Variants in EIF4G3 observed in about 807,000 individuals in gnomAD.
EIF4G3 encodes the protein eukaryotic translation initiation factor 4 gamma 3, also known as eIF-4-gamma 3.
EIF4G3 carries 34 observed loss-of-function variants against 186.4 expected under a neutral mutation model. That is an observed-to-expected ratio of 0.18 (90% CI 0.14 to 0.24). The LOEUF is 0.24. Ranked by LOEUF, EIF4G3 falls within the 10% of genes least tolerant of loss-of-function variation. The pLI, the probability that EIF4G3 is intolerant of heterozygous loss-of-function variation, is 1.00. For missense variants in EIF4G3, 1,536 were observed against 1,948.5 expected, an observed-to-expected ratio of 0.79 and a Z score of 3.99; for synonymous variants, 673 against 679.5, an observed-to-expected ratio of 0.99 and a Z score of 0.15.
intron 2 of EIF4G3, among the ~76,000 whole-genome samples, chr1:21,096,389 TA>T (rs369240211): frequency 1.3e-5 from 2 of 151,776 alleles, no homozygotes; most frequent in African/African-American, 4.8e-5. Flanking sequence ...TCACAAGGAG[TA>T]GGGGGATGAT....
intron 14 of EIF4G3, among the ~76,000 whole-genome samples, chr1:20,906,243 T>C (rs1287662404): frequency 6.6e-6 from 1 of 152,188 alleles, no homozygotes; most frequent in African/African-American, 2.4e-5. Context: ...AATTTGCTAT[T>C]GTCTCACAGG....
intron 2 of EIF4G3, among the ~76,000 whole-genome samples, chr1:21,151,832 C>T (rs928995886): frequency 6.6e-6 from 1 of 152,028 alleles, no homozygotes; most frequent in African/African-American, 2.4e-5. Flanking sequence ...GTTACATTAC[C>T]TAGGGCCACA....
At chr1:20,849,216 T>C (rs1051226514) in intron 29 of EIF4G3, among the ~76,000 whole-genome samples, 199 bp downstream of exon 29, 5 of 152,126 alleles carry the variant, frequency 3.3e-5, no homozygotes, top group African/African-American at 1.2e-4. Flanking sequence ...CCACTCTATG[T>C]TGTAAATTAT....
At chr1:20,890,779 T>C (rs1379671772) in intron 18 of EIF4G3, among the ~76,000 whole-genome samples, 1 of 152,214 alleles carries the variant, frequency 6.6e-6, no homozygotes, top group Non-Finnish European at 1.5e-5. Context: ...TATATGTTGA[T>C]ATTTATGTCC....
intron 3 of EIF4G3, among the ~76,000 whole-genome samples, chr1:21,059,801 A>T (rs1022054041): frequency 7.2e-5 from 11 of 152,224 alleles, no homozygotes; most frequent in Non-Finnish European, 1.5e-5. Context: ...GTAACTATCC[A>T]ATAGAAACAA....
chr1:20,925,509 A>G (rs1452688344), intron 14 of EIF4G3, among the ~76,000 whole-genome samples: 2 of 152,210 alleles, frequency 1.3e-5, no homozygotes, highest in Admixed American at 6.5e-5. Flanking sequence ...ATTGAATGCT[A>G]TCACATAAAT....
intron 2 of EIF4G3, among the ~76,000 whole-genome samples, chr1:21,146,152 C>A (rs1558177004): frequency 6.6e-6 from 1 of 152,100 alleles, no homozygotes; most frequent in Non-Finnish European, 1.5e-5. Flanking sequence ...CCAGGAATCG[C>A]AGACCAGTCT....
At chr1:21,113,311 A>ATT (rs1187652075) in intron 2 of EIF4G3, among the ~76,000 whole-genome samples, 1 of 150,294 alleles carries the variant, frequency 6.7e-6, no homozygotes, top group Non-Finnish European at 1.5e-5. Flanking sequence ...AGGCTGAATG[A>ATT]TTTTTTTTTT....
chr1:21,125,212 G>C (rs1043938442), intron 2 of EIF4G3, among the ~76,000 whole-genome samples: 1 of 152,086 alleles, frequency 6.6e-6, no homozygotes, highest in Non-Finnish European at 1.5e-5. Flanking sequence ...CAGCATATGA[G>C]ATATAAAGAA....
chr1:21,016,714 CTGGGAGCCCGAGATAGG>C (rs2089195396), intron 4 of EIF4G3, among the ~76,000 whole-genome samples: 1 of 151,638 alleles, frequency 6.6e-6, no homozygotes, highest in Non-Finnish European at 1.5e-5. Flanking sequence ...TCCCAGCACT[CTGGGAGCCCGAGATAGG>C]TGGTCAAGAG....
rs375496265 is a variant in EIF4G3 at position 21,060,442 on chromosome 1, C to T, written c.-195-9448G>A. On this transcript the variant is annotated intron_variant, in intron 3 of 36. Transcript: ENST00000602326. ...AAACTTAACAGCTTAAAACAACACA[C>T]ATTTAAGTCCTTGTTGGCATGGTAA... Among the ~76,000 whole-genome samples the T allele has an allele frequency of 7.9e-5, 12 of 152,318 alleles. No individual in the cohort carries two copies. The East Asian group carries it at 2.1e-3, about 27-fold the overall frequency.
intron 3 of EIF4G3, among the ~76,000 whole-genome samples, chr1:21,060,782 G>T: frequency 8.5e-6 from 1 of 117,372 alleles, no homozygotes. Context: ...TGTCTCTTAA[G>T]AAAAAAAAAA....
intron 4 of EIF4G3, among the ~76,000 whole-genome samples, chr1:21,018,966 C>T (rs756213900): frequency 2.6e-5 from 4 of 151,688 alleles, no homozygotes; most frequent in Non-Finnish European, 4.4e-5. Context: ...TTAGGTATTC[C>T]TTTATAGCAA....
At chr1:21,113,792 G>A (rs1166921028) in intron 2 of EIF4G3, among the ~76,000 whole-genome samples, 2 of 152,250 alleles carry the variant, frequency 1.3e-5, no homozygotes, top group African/African-American at 2.4e-5. Context: ...GAGGCAGGAG[G>A]ATCCCTTGAG....
In EIF4G3 at chr1:21,176,336, G is replaced by T; in HGVS notation, c.-433C>A. 3.9e-6 allele frequency: 1 copy of T among 255,622 alleles called. No individual in the cohort carries two copies. Among genetic ancestry groups the T allele is most frequent in the Non-Finnish European group, 7.1e-6 (1 of 140,234 alleles). The allele number at this position is 255,622 out of a possible 1,614,324, so 15.8% of individuals were successfully genotyped here. ...CCGCCGCCGCTCCGGTGCCGGGTCC[G>T]GTTCCTGCTGCAGTCGCTGTGCCTG... On this transcript the variant is annotated 5_prime_UTR_variant, in exon 2 of 37. Coordinates refer to ENST00000602326, the MANE Select transcript of EIF4G3 (RefSeq NM_001391906.1).
At chr1:21,048,334 G>A (rs192818257) in intron 4 of EIF4G3, among the ~76,000 whole-genome samples, 30 of 152,198 alleles carry the variant, frequency 2.0e-4, no homozygotes, top group African/African-American at 5.8e-4. Context: ...AAAATTCACT[G>A]TTTGCCTGTA....
At chr1:21,040,542 G>A (rs56269358) in intron 4 of EIF4G3, among the ~76,000 whole-genome samples, 14,478 of 152,170 alleles carry the variant, frequency 0.095, 918 homozygotes, top group East Asian at 0.26. Flanking sequence ...AGGCCGGGAC[G>A]TATGGCTGGT....
chr1:21,139,701 A>AT (rs564977425), intron 2 of EIF4G3, among the ~76,000 whole-genome samples: 61 of 152,116 alleles, frequency 4.0e-4, no homozygotes, highest in Admixed American at 1.2e-3. Flanking sequence ...GATCTATTTA[A>AT]TTTTTTTTAA....
chr1:20,941,094 G>T, intron 14 of EIF4G3: 1 of 839,506 alleles, frequency 1.2e-6, no homozygotes, highest in Non-Finnish European at 1.7e-6. Flanking sequence ...AGGATTGACT[G>T]GGTTTTAAAA....
Sources: gnomAD v4.1 joint callset for allele counts (sites outside exome capture counted in the v4.1 genomes callset) on GRCh38, gnomAD v4.1.1 for gene constraint, MANE v1.5 for transcripts, NCBI Gene and HGNC (gene_info 2026-07-23, HGNC 2026-07-21) for gene names.